LPAR1: variants seen among roughly 807,000 people sequenced by gnomAD.
LPAR1 encodes the protein LPA receptor 1.
A neutral mutation model predicts 23.8 loss-of-function variants in LPAR1; 5 were observed. The ratio of observed to expected loss-of-function variants is 0.21; its 90% CI spans 0.11 to 0.44. The LOEUF (loss-of-function observed/expected upper bound fraction) is 0.44, where lower values mean the gene tolerates loss of function less well. Ranked by LOEUF, LPAR1 falls within the 20% of genes least tolerant of loss-of-function variation. LPAR1 has a pLI of 0.99. For synonymous variants in LPAR1, 160 were observed against 164.7 expected (o/e 0.97, Z 0.22); for missense variants, 311 against 482.8 (o/e 0.64, Z 3.33).
chr9:110,883,745 T>C (rs532909140), intron 5 of LPAR1, among the ~76,000 whole-genome samples: 1 of 152,336 alleles, frequency 6.6e-6, no homozygotes, highest in East Asian at 1.9e-4. Flanking sequence ...AGCAGAAGCA[T>C]GCCACAGATG....
chr9:111,037,442 G>A (rs1354947676), intron 1 of LPAR1, among the ~76,000 whole-genome samples: 2 of 152,122 alleles, frequency 1.3e-5, no homozygotes, highest in Non-Finnish European at 2.9e-5. Flanking sequence ...AGACCAAATG[G>A]CAGCAAAGAA....
intron 2 of LPAR1, among the ~76,000 whole-genome samples, chr9:110,998,024 A>G (rs1428077861): frequency 2.0e-5 from 3 of 152,194 alleles, no homozygotes; most frequent in African/African-American, 4.8e-5. Flanking sequence ...ACACAGATGT[A>G]TGAGCCCCAC....
upstream of LPAR1, chr9:111,038,474 C>G (rs140598814): frequency 1.1e-5 from 4 of 371,604 alleles, no homozygotes; most frequent in South Asian, 3.8e-5. The surrounding 1 kb of genome is among the most constrained non-coding windows in gnomAD (Gnocchi z 4.4). Context: ...CCCTACTGCC[C>G]GGCTTTGGCG....
intron 5 of LPAR1, among the ~76,000 whole-genome samples, chr9:110,904,380 C>T (rs1250502644): frequency 6.6e-6 from 1 of 151,962 alleles, no homozygotes; most frequent in African/African-American, 2.4e-5. Context: ...AAATAAGGCC[C>T]CCATGTGTCA....
chr9:111,019,789 G>C (rs546934099), intron 2 of LPAR1, among the ~76,000 whole-genome samples: 1 of 152,162 alleles, frequency 6.6e-6, no homozygotes, highest in African/African-American at 2.4e-5. Context: ...AGATTGCAGT[G>C]AGCCAAGATC....
intron 5 of LPAR1, among the ~76,000 whole-genome samples, chr9:110,899,524 A>T (rs1007256956): frequency 6.6e-6 from 1 of 152,206 alleles, no homozygotes; most frequent in Non-Finnish European, 1.5e-5. Context: ...TGGGAACCGT[A>T]AGTGCAGGGA....
chr9:110,974,238 T>G (rs2096498630), intron 2 of LPAR1, among the ~76,000 whole-genome samples: 1 of 152,148 alleles, frequency 6.6e-6, no homozygotes, highest in South Asian at 2.1e-4. Context: ...TTCACCAACA[T>G]GCAAGATGAT....
At chr9:110,960,180 G>A (rs1450854851) in intron 4 of LPAR1, among the ~76,000 whole-genome samples, 2 of 152,144 alleles carry the variant, frequency 1.3e-5, no homozygotes, top group African/African-American at 4.8e-5. Flanking sequence ...CATTGATATG[G>A]ATAGGAACAC....
chr9:110,991,267 C>T (rs1019266966), intron 2 of LPAR1, among the ~76,000 whole-genome samples: 1 of 152,172 alleles, frequency 6.6e-6, no homozygotes, highest in Admixed American at 6.5e-5. Context: ...TCCCAAAGCC[C>T]CTGACTCTGT....
At chr9:110,929,173 T>A (rs2094232267) in intron 5 of LPAR1, among the ~76,000 whole-genome samples, 2 of 152,294 alleles carry the variant, frequency 1.3e-5, no homozygotes, top group Middle Eastern at 3.4e-3. Flanking sequence ...TTGCTTTGGA[T>A]CATTATAATA....
chr9:111,038,050 C>T lies in LPAR1; in HGVS notation c.-262+117G>A, dbSNP rs937344611. On this transcript the variant is annotated intron_variant, in intron 1 of 5. Coordinates refer to ENST00000683809, the MANE Select transcript of LPAR1 (RefSeq NM_001351411.2). The surrounding 1 kb of genome is among the most constrained non-coding windows in gnomAD (Gnocchi z 4.4). ...CACGCGCGCCCCCAACCACAAAGCC[C>T]GTCCGCGGCGGGACAGTGTGAGCCC... 2 of 151,822 alleles carry T rather than the reference C, an allele frequency of 1.3e-5. No individual in the cohort carries two copies. Among genetic ancestry groups the T allele is most frequent in the East Asian group, 3.9e-4 (2 of 5,150 alleles). 9.4% of individuals were successfully genotyped at this position (151,822 alleles called of 1,614,324 possible). A position where few individuals can be genotyped will look rare whatever the true frequency, so the allele number is the denominator to read the frequency against.
At chr9:110,927,781 T>C (rs1350851086) in intron 5 of LPAR1, among the ~76,000 whole-genome samples, 1 of 152,144 alleles carries the variant, frequency 6.6e-6, no homozygotes, top group African/African-American at 2.4e-5. Flanking sequence ...GTTAAAAAAC[T>C]AATCAATAAG....
Position 111,009,532 on chromosome 9 carries a change from A to G in LPAR1, c.-182+26590T>C, listed in dbSNP as rs558722983. Among the ~76,000 whole-genome samples, 3 of 152,246 alleles carry G rather than the reference A, an allele frequency of 2.0e-5. No homozygotes were observed. In the East Asian group the frequency reaches 5.8e-4, roughly 29 times the overall value. ...GTGGGGTTTACAGACATAAGTGTACATATTTGGAAGAATTGGTAAAAATGA... is the reference window on the plus strand; with the variant it reads ...GTGGGGTTTACAGACATAAGTGTACGTATTTGGAAGAATTGGTAAAAATGA... On this transcript the variant is annotated intron_variant, in intron 2 of 5. Coordinates refer to ENST00000683809, the MANE Select transcript of LPAR1 (RefSeq NM_001351411.2).
At chr9:110,896,190 C>A (rs558026314) in intron 5 of LPAR1, among the ~76,000 whole-genome samples, 8 of 152,148 alleles carry the variant, frequency 5.3e-5, no homozygotes, top group African/African-American at 1.4e-4. Flanking sequence ...CTTGTTACCA[C>A]GACAGATTTT....
chr9:110,915,822 A>C (rs2093026487), intron 5 of LPAR1, among the ~76,000 whole-genome samples: 1 of 152,142 alleles, frequency 6.6e-6, no homozygotes, highest in Admixed American at 6.5e-5. Flanking sequence ...AAAACGAAAC[A>C]CTGACTACCC....
chr9:110,918,468 AG>A (rs2134934038), intron 5 of LPAR1, among the ~76,000 whole-genome samples: 1 of 152,292 alleles, frequency 6.6e-6, no homozygotes, highest in African/African-American at 2.4e-5. Flanking sequence ...AACCCAACAG[AG>A]TAGCTGGCTT....
intron 5 of LPAR1, among the ~76,000 whole-genome samples, chr9:110,886,539 T>A (rs765726010): frequency 6.6e-6 from 1 of 152,038 alleles, no homozygotes; most frequent in Non-Finnish European, 1.5e-5. Flanking sequence ...TATACACATA[T>A]GTATGCATAC....
intron 4 of LPAR1, among the ~76,000 whole-genome samples, chr9:110,962,644 C>T (rs1170407360): frequency 6.6e-6 from 1 of 152,118 alleles, no homozygotes; most frequent in African/African-American, 2.4e-5. Context: ...CTAATATGCT[C>T]CATGGCCCTC....
At chr9:111,008,160 CA>C (rs1276617900) in intron 2 of LPAR1, among the ~76,000 whole-genome samples, 7 of 147,998 alleles carry the variant, frequency 4.7e-5, no homozygotes, top group Non-Finnish European at 8.9e-5. Context: ...GGCAATAGAA[CA>C]AGACTCCATC....
Sources: allele counts gnomAD v4.1 joint callset (sites outside exome capture counted in the v4.1 genomes callset), GRCh38; gene constraint gnomAD v4.1.1; non-coding constraint Gnocchi (gnomAD v3.1); transcripts MANE v1.5; gene names NCBI Gene and HGNC (gene_info 2026-07-23, HGNC 2026-07-21).